RANBP17: variants seen among roughly 807,000 people sequenced by gnomAD.
RANBP17 encodes the protein RAN binding protein 17.
RANBP17 carries 158 observed loss-of-function variants against 141.2 expected under a neutral mutation model. That is an observed-to-expected ratio of 1.12 (90% CI 0.98 to 1.28). The LOEUF (loss-of-function observed/expected upper bound fraction) is 1.28, where lower values mean the gene tolerates loss of function less well. Among genes scored for constraint, RANBP17 ranks in the 50% most tolerant of loss-of-function variants. The pLI, the probability that RANBP17 is intolerant of heterozygous loss-of-function variation, is 0.00. For missense variants in RANBP17, 1,438 were observed against 1,290.7 expected, an observed-to-expected ratio of 1.11 and a Z score of -1.75; for synonymous variants, 430 against 450.0, an observed-to-expected ratio of 0.96 and a Z score of 0.56.
At chr5:171,041,233 ATTAT>A (rs773223347) in intron 14 of RANBP17, among the ~76,000 whole-genome samples, 1 of 152,024 alleles carries the variant, frequency 6.6e-6, no homozygotes, top group African/African-American at 2.4e-5. Context: ...CATGTTATTA[ATTAT>A]TTGTTATTTA....
At chr5:171,093,116 C>T (rs566729616) in intron 14 of RANBP17, among the ~76,000 whole-genome samples, 1 of 151,632 alleles carries the variant, frequency 6.6e-6, no homozygotes, top group Admixed American at 6.6e-5. Context: ...AGGCTAAGGC[C>T]GGAGAATTGC....
At chr5:170,912,665 A>G (rs1458765364) in intron 7 of RANBP17, among the ~76,000 whole-genome samples, 1 of 151,114 alleles carries the variant, frequency 6.6e-6, no homozygotes, top group Admixed American at 6.6e-5. Context: ...ATCTCCTAGA[A>G]TGTAGAACAA....
intron 25 of RANBP17, among the ~76,000 whole-genome samples, chr5:171,291,514 G>A (rs978513556): frequency 4.6e-5 from 7 of 152,128 alleles, no homozygotes; most frequent in Non-Finnish European, 1.0e-4. Flanking sequence ...GTGACTCACC[G>A]TGGGCCGGGT....
At chr5:170,969,865 A>G (rs1776861087) in intron 14 of RANBP17, among the ~76,000 whole-genome samples, 1 of 152,032 alleles carries the variant, frequency 6.6e-6, no homozygotes, top group Non-Finnish European at 1.5e-5. Context: ...TGTAACTTTA[A>G]CATTGTTGGT....
At chr5:171,267,490 G>T (rs993714428) in intron 25 of RANBP17, among the ~76,000 whole-genome samples, 6 of 152,016 alleles carry the variant, frequency 3.9e-5, no homozygotes, top group Non-Finnish European at 7.4e-5. Context: ...GACCGTTAGG[G>T]AGCAAATAAG....
At chr5:171,229,519 C>T (rs1764080079) in intron 22 of RANBP17, among the ~76,000 whole-genome samples, 1 of 151,724 alleles carries the variant, frequency 6.6e-6, no homozygotes. Context: ...CTCAGCCTCC[C>T]GAGTAACTGG....
chr5:171,201,609 G>T (rs1189085057), intron 19 of RANBP17, among the ~76,000 whole-genome samples: 2 of 152,228 alleles, frequency 1.3e-5, no homozygotes, highest in Non-Finnish European at 2.9e-5. Context: ...GCAGCTGCAG[G>T]TAGACAAGAT....
At chr5:171,282,303 G>A (rs906208931) in intron 25 of RANBP17, among the ~76,000 whole-genome samples, 13 of 152,188 alleles carry the variant, frequency 8.5e-5, no homozygotes, top group Admixed American at 3.9e-4. Context: ...TATAGGCCAA[G>A]GGAAGTAATG....
chr5:171,008,155 T>G (rs1302572807), intron 14 of RANBP17, among the ~76,000 whole-genome samples: 2 of 152,210 alleles, frequency 1.3e-5, no homozygotes, highest in African/African-American at 4.8e-5. Flanking sequence ...GAGTTTTGGG[T>G]ACACAGATAA....
chr5:170,866,232 C>T (rs189412072), intron 1 of RANBP17, among the ~76,000 whole-genome samples: 6 of 152,284 alleles, frequency 3.9e-5, no homozygotes, highest in African/African-American at 1.4e-4. Flanking sequence ...CATTACCTTT[C>T]AGAAGCAAAG....
chr5:170,997,510 G>A (rs1459280065), intron 14 of RANBP17, among the ~76,000 whole-genome samples: 2 of 152,114 alleles, frequency 1.3e-5, no homozygotes, highest in African/African-American at 4.8e-5. Flanking sequence ...CATAGTAAAT[G>A]TACTACCAAG....
chr5:170,927,329 T>TA (rs1208227790), intron 12 of RANBP17, among the ~76,000 whole-genome samples: 1 of 152,080 alleles, frequency 6.6e-6, no homozygotes, highest in Non-Finnish European at 1.5e-5. Context: ...GCAGGTTTGT[T>TA]ACATAGGTAT....
chr5:171,013,924 G>C (rs1044120690), intron 14 of RANBP17, among the ~76,000 whole-genome samples: 3 of 152,010 alleles, frequency 2.0e-5, no homozygotes, highest in African/African-American at 7.2e-5. Context: ...GGTTCTCTCA[G>C]TTGTTGAGGG....
chr5:170,978,326 G>A (rs1488656422), intron 14 of RANBP17, among the ~76,000 whole-genome samples: 1 of 152,098 alleles, frequency 6.6e-6, no homozygotes, highest in Non-Finnish European at 1.5e-5. Context: ...TCTACCTTAT[G>A]ACTCATCAGC....
chr5:171,187,589 T>C (rs1384394989), intron 18 of RANBP17, among the ~76,000 whole-genome samples: 3 of 152,120 alleles, frequency 2.0e-5, no homozygotes, highest in African/African-American at 7.2e-5. Flanking sequence ...ATGTCGACTT[T>C]GGGTTGTAGC....
chr5:171,117,607 C>A (rs1755727991), intron 14 of RANBP17, among the ~76,000 whole-genome samples: 1 of 152,114 alleles, frequency 6.6e-6, no homozygotes, highest in Non-Finnish European at 1.5e-5. Context: ...GATTCTCTTG[C>A]CTCAGCCTCC....
chr5:171,287,406 C>T (rs896242540), intron 25 of RANBP17, among the ~76,000 whole-genome samples: 11 of 151,726 alleles, frequency 7.2e-5, no homozygotes, highest in African/African-American at 2.7e-4. Context: ...AGGAGAATTG[C>T]TTGAACCCCG....
Position 170,873,303 on chromosome 5 carries a change from GTTTTC to G in RANBP17, c.19-4786_19-4782del, listed in dbSNP as rs142209439. On this transcript the variant is annotated intron_variant, in intron 1 of 27. Coordinates refer to ENST00000523189, the MANE Select transcript of RANBP17 (RefSeq NM_022897.5). ...TGTTCATCAGGGATACTGGCCTGCA[GTTTTC>G]TTTTCTTGTTGTGTCTTTGCCAACT... Among the ~76,000 whole-genome samples, 454 of 152,324 alleles carry G rather than the reference GTTTTC, an allele frequency of 3.0e-3. 4 individuals are homozygous for G. Among genetic ancestry groups the G allele is most frequent in the Middle Eastern group, 0.014 (4 of 294 alleles).
At chr5:170,902,831 G>T (rs1246157185) in intron 5 of RANBP17, among the ~76,000 whole-genome samples, 2 of 152,186 alleles carry the variant, frequency 1.3e-5, no homozygotes, top group Non-Finnish European at 2.9e-5. Flanking sequence ...GACCCTGTTT[G>T]CCTCGGTATC....
Sources: allele counts gnomAD v4.1 joint callset (sites outside exome capture counted in the v4.1 genomes callset), GRCh38; gene constraint gnomAD v4.1.1; transcripts MANE v1.5; gene names NCBI Gene and HGNC (gene_info 2026-07-23, HGNC 2026-07-21).